Variants in SLC12A7 observed in about 807,000 individuals in gnomAD.
The protein encoded by SLC12A7 is K-Cl cotransporter 4.
In SLC12A7, 100 loss-of-function variants were observed where a neutral mutation model predicts 120.6. The ratio of observed to expected loss-of-function variants is 0.83; its 90% CI spans 0.71 to 0.98. The LOEUF (loss-of-function observed/expected upper bound fraction) is 0.98. Among genes scored for constraint, SLC12A7 ranks in the 50% least tolerant of loss-of-function variants. SLC12A7 has a pLI of 0.00. For missense variants in SLC12A7, 1,373 were observed against 1,548.1 expected (o/e 0.89, Z 1.90); for synonymous variants, 760 against 678.0 (o/e 1.12, Z -1.88).
chr5:1,053,340 A>G lies in SLC12A7; in HGVS notation c.3160+9T>C, dbSNP rs780630790. 30 of 1,613,302 alleles carry G rather than the reference A, an allele frequency of 1.9e-5. No homozygotes were observed. Among genetic ancestry groups the G allele is most frequent in the Non-Finnish European group, 2.3e-5 (27 of 1,179,738 alleles). On this transcript the variant is annotated intron_variant, in intron 23 of 23. Transcript: ENST00000264930. The stretch of plus-strand genomic sequence containing the variant: ...GCACGCTCAGCAGGCACACTGCAAG[A>G]AAGGATACAGTTCTCGTCTCCCTGC...
Position 1,064,171 on chromosome 5 carries a change from C to A in SLC12A7, c.2519G>T (p.Arg840Leu). The A allele has an allele frequency of 6.2e-7, 1 of 1,612,362 alleles. No homozygotes were observed. Among genetic ancestry groups the A allele is most frequent in the Non-Finnish European group, 8.5e-7 (1 of 1,179,676 alleles). Residue 840 changes from arginine to leucine, a missense_variant, in exon 19 of 24, where the codon CGC becomes CTC. Arg to Leu is a moderately radical substitution (Grantham distance 102). Transcript: ENST00000264930. Reference protein sequence around the residue: ...NVDSFPQNQERFGGGHIDVWW... With the variant: ...NVDSFPQNQELFGGGHIDVWW... ...CACGTCGATGTGGCCCCCGCCGAAG[C>A]GCTCCTGGTTTTGCGGAAACGAGTC...
At position 1,052,291 on chromosome 5, in the gene SLC12A7, C is replaced by T; in HGVS notation, c.*69G>A. 1.5e-6 allele frequency: 2 copies of T among 1,347,106 alleles called. No individual in the cohort carries two copies. Among genetic ancestry groups the T allele is most frequent in the Non-Finnish European group, 1.1e-6 (1 of 939,522 alleles). The allele number at this position is 1,347,106 out of a possible 1,614,324, so 83.4% of individuals were successfully genotyped here. On this transcript the variant is annotated 3_prime_UTR_variant, in exon 24 of 24. Coordinates refer to ENST00000264930, the MANE Select transcript of SLC12A7 (RefSeq NM_006598.3). ...GTGTCTGCCGTCTGTTTCCCTGGGC[C>T]AAGCCCAGGCCCAGGCTGCCCACGC...
At chr5:1,065,568 A>G in intron 17 of SLC12A7, 90 bp from the exon 18 acceptor site, 2 of 1,078,540 alleles carry the variant, frequency 1.9e-6, no homozygotes, top group Non-Finnish European at 1.3e-6. Flanking sequence ...CACCCGCACC[A>G]CCTCCCCTGT....
At chr5:1,148,197 CTTTCTTTCTTTTTTTT>C in the SLC12A7 span, among the ~76,000 whole-genome samples, 553 of 128,512 alleles carry the variant, frequency 4.3e-3, 1 homozygote, top group Non-Finnish European at 7.1e-3. Flanking sequence ...ATACTTTTTT[CTTTCTTTCTTTTTTTT>C]TTTTTTTTTT....
At chr5:1,142,793 G>GC in the SLC12A7 span, among the ~76,000 whole-genome samples, 90 of 147,282 alleles carry the variant, frequency 6.1e-4, 1 homozygote, top group Admixed American at 1.5e-3. Context: ...ACCATCAGCT[G>GC]CCCCCCCCAT....
Position 1,051,782 on chromosome 5 carries a change from G to GCTCC in SLC12A7, c.*574_*577dup, listed in dbSNP as rs1178265255. 6.6e-6 allele frequency: 1 copy of GCTCC among 152,638 alleles called. No individual in the cohort carries two copies. Among genetic ancestry groups the GCTCC allele is most frequent in the East Asian group, 1.9e-4 (1 of 5,194 alleles). The allele number at this position is 152,638 out of a possible 1,614,324, so 9.5% of individuals were successfully genotyped here. ...AAATGTGGACCTGCCGAGCCCAGAG[G>GCTCC]CTCCCACACGAGGGTGACACGGGCA... On this transcript the variant is annotated 3_prime_UTR_variant, in exon 24 of 24. Transcript: ENST00000264930.
chr5:1,073,838 G>A (rs367922019), intron 16 of SLC12A7, 37 bp from the exon 17 acceptor site: 68 of 1,368,844 alleles, frequency 5.0e-5, no homozygotes, highest in African/African-American at 3.9e-4. Flanking sequence ...CCACGGCAAC[G>A]CTTACCAGGG....
intron 21 of SLC12A7, 116 bp downstream of exon 21, chr5:1,060,228 T>G (rs1736041142): frequency 1.3e-6 from 1 of 772,996 alleles, no homozygotes; most frequent in African/African-American, 1.7e-5. Flanking sequence ...ACGCAGTACC[T>G]GAGGCATGCT....
chr5:1,074,390 C>T lies in SLC12A7; in HGVS notation c.2072+177G>A, dbSNP rs906847288. ...CCACACCCCCACCCTGCAGCAGGGA[C>T]ACCCCCGGCCCCCAGCTGCGCCATC... On this transcript the variant is annotated intron_variant, in intron 16 of 23. Transcript: ENST00000264930. 4.6e-5 allele frequency among the ~76,000 whole-genome samples: 7 copies of T among 152,180 alleles called. No homozygotes were observed. The East Asian group carries it at 5.8e-4, about 13-fold the overall frequency.
intron 12 of SLC12A7, 26 bp downstream of exon 12, chr5:1,077,807 C>T: frequency 2.6e-6 from 4 of 1,540,756 alleles, no homozygotes; most frequent in Admixed American, 4.1e-5. Context: ...CTTCCAGGGT[C>T]CCCCCGACGA....
rs1418472750 is a variant in SLC12A7 at position 1,079,420 on chromosome 5, G to A, written c.1374C>T (p.Ala458=). ...TACAGATGAAAGACGTCGTCACTATGGCCAGGATGGTCCCCGTGGGGATGG... is the reference window on the plus strand; with the variant it reads ...TACAGATGAAAGACGTCGTCACTATAGCCAGGATGGTCCCCGTGGGGATGG... ...QKSIPTGTIL[A]IVTTSFIYLS... is the part of the protein sequence containing the mutation. The change falls in exon 10 of 24, where the codon GCC becomes GCT. Residue 458 remains alanine, a synonymous_variant. Coordinates refer to ENST00000264930, the MANE Select transcript of SLC12A7 (RefSeq NM_006598.3). 3 of 1,612,680 alleles carry A rather than the reference G, an allele frequency of 1.9e-6. No individual in the cohort carries two copies. The highest frequency in any genetic ancestry group is 2.5e-6 in the Non-Finnish European group (3 of 1,179,766).
chr5:1,139,666 C>T, the SLC12A7 span, among the ~76,000 whole-genome samples: 1 of 152,244 alleles, frequency 6.6e-6, no homozygotes, highest in African/African-American at 2.4e-5. Context: ...GCCTGCCTTC[C>T]CCGAGTGCAC....
intron 7 of SLC12A7, among the ~76,000 whole-genome samples, chr5:1,084,411 C>A (rs1023404483): frequency 5.9e-5 from 9 of 152,224 alleles, no homozygotes; most frequent in African/African-American, 1.9e-4. Flanking sequence ...AGGCCCTCGG[C>A]GGCGTCCTGG....
At chr5:1,052,536 C>T (rs761505234) in intron 23 of SLC12A7, 85 bp from the exon 24 acceptor site, 2 of 1,142,232 alleles carry the variant, frequency 1.8e-6, no homozygotes, top group Non-Finnish European at 2.6e-6. Context: ...TTTATCCTCT[C>T]CTGGTTAGCT....
intron 22 of SLC12A7, among the ~76,000 whole-genome samples, chr5:1,056,984 T>TC (rs1735689921): frequency 6.6e-6 from 1 of 152,178 alleles, no homozygotes; most frequent in Non-Finnish European, 1.5e-5. Flanking sequence ...CCTCCTCGCC[T>TC]CCATGGAACA....
rs568232760 is a variant in SLC12A7, at chr5:1,075,613, A to G, written c.1848-123T>C. On this transcript the variant is annotated intron_variant, in intron 14 of 23. Transcript: ENST00000264930. ...CTCTGTTAACACTAGGAAAACAGTCACTGACGCCTGACGACCATGGCTGTA... is the reference window on the plus strand; with the variant it reads ...CTCTGTTAACACTAGGAAAACAGTCGCTGACGCCTGACGACCATGGCTGTA... The G allele has an allele frequency of 1.0e-5, 14 of 1,387,722 alleles. No individual in the cohort carries two copies. The South Asian group carries it at 1.3e-4, about 13-fold the overall frequency. 86.0% of individuals were successfully genotyped at this position (1,387,722 alleles called of 1,614,324 possible).
intron 2 of SLC12A7, 30 bp from the exon 3 acceptor site, chr5:1,093,685 C>T (rs1740786267): frequency 1.9e-6 from 3 of 1,608,016 alleles, no homozygotes; most frequent in South Asian, 1.1e-5. Context: ...TCACAGGCGG[C>T]CCGCACCTCG....
In SLC12A7 at chr5:1,111,995, C is replaced by T. The variant is rs774199322; in HGVS notation, c.-4G>A. The T allele has an allele frequency of 4.7e-6, 6 of 1,270,704 alleles. No individual in the cohort carries two copies. Among genetic ancestry groups the T allele is most frequent in the Non-Finnish European group, 5.9e-6 (6 of 1,009,346 alleles). The allele number at this position is 1,270,704 out of a possible 1,614,324, so 78.7% of individuals were successfully genotyped here. ...CCACGGTGAAGTTGGTGGGCATGGC[C>T]GCCTGCAGCCGACAGTCCCCGTCCC... On this transcript the variant is annotated 5_prime_UTR_variant, in exon 1 of 24. Coordinates refer to ENST00000264930, the MANE Select transcript of SLC12A7 (RefSeq NM_006598.3).
the SLC12A7 span, among the ~76,000 whole-genome samples, chr5:1,118,198 G>A: frequency 6.6e-6 from 1 of 152,218 alleles, no homozygotes. Context: ...CGATTCCCCT[G>A]ATTTGAGTGA....
Sources: allele counts gnomAD v4.1 joint callset (sites outside exome capture counted in the v4.1 genomes callset), GRCh38; gene constraint gnomAD v4.1.1; transcripts MANE v1.5; gene names NCBI Gene and HGNC (gene_info 2026-07-23, HGNC 2026-07-21).